Variants in CTNND2 observed in about 807,000 individuals in gnomAD.
CTNND2 encodes the protein catenin delta-2.
A neutral mutation model predicts 144.4 loss-of-function variants in CTNND2; 22 were observed. The observed-to-expected ratio is 0.15, with a 90% CI of 0.11 to 0.22. CTNND2 has a LOEUF of 0.22. Ranked by LOEUF, CTNND2 falls within the 10% of genes least tolerant of loss-of-function variation. The probability of loss-of-function intolerance (pLI) is 1.00; values close to 1 mark genes in which losing one functional copy is unlikely to be tolerated. For missense variants in CTNND2, 1,353 were observed against 1,618.8 expected, an observed-to-expected ratio of 0.84 and a Z score of 2.82; for synonymous variants, 751 against 695.6, an observed-to-expected ratio of 1.08 and a Z score of -1.25.
In CTNND2 at chr5:11,816,191, G is replaced by A. The variant is rs535724498; in HGVS notation, c.38-83919C>T. On this transcript the variant is annotated intron_variant, in intron 1 of 21. Coordinates refer to ENST00000304623, the MANE Select transcript of CTNND2 (RefSeq NM_001332.4). ...GGAGCAGCCACCACGCCCAGGGCGA[G>A]GAGAGAGGATGTGAATAGATTACGT... Among the ~76,000 whole-genome samples, 16 of 152,192 alleles carry A rather than the reference G, an allele frequency of 1.1e-4. 1 individual carries two copies. Among genetic ancestry groups the A allele is most frequent in the Non-Finnish European group, 2.2e-4 (15 of 68,034 alleles).
intron 17 of CTNND2, among the ~76,000 whole-genome samples, 192 bp from the exon 18 acceptor site, chr5:11,018,250 G>A (rs980838925): frequency 2.6e-5 from 4 of 152,032 alleles, no homozygotes; most frequent in East Asian, 3.8e-4. Context: ...GACAGCAACC[G>A]TAATCAAGAA....
chr5:11,818,670 G>GT (rs750767395), intron 1 of CTNND2, among the ~76,000 whole-genome samples: 1 of 152,068 alleles, frequency 6.6e-6, no homozygotes, highest in Non-Finnish European at 1.5e-5. Flanking sequence ...CCACGGCCCT[G>GT]TATGTGCATT....
intron 2 of CTNND2, among the ~76,000 whole-genome samples, chr5:11,677,576 G>A (rs772052725): frequency 7.7e-4 from 117 of 152,174 alleles, no homozygotes; most frequent in Non-Finnish European, 6.9e-4. Flanking sequence ...TAGAGGAACC[G>A]GCTTTAAGCA....
intron 2 of CTNND2, among the ~76,000 whole-genome samples, chr5:11,719,833 T>TATACAC (rs752731192): frequency 1.2e-4 from 17 of 142,112 alleles, no homozygotes; most frequent in Admixed American, 1.1e-3. Flanking sequence ...CTCTGACATA[T>TATACAC]ACACACACAC....
At chr5:11,289,464 G>A (rs1230583983) in intron 9 of CTNND2, among the ~76,000 whole-genome samples, 1 of 152,186 alleles carries the variant, frequency 6.6e-6, no homozygotes, top group African/African-American at 2.4e-5. Context: ...TGAGCACTGG[G>A]AAAGTTATTC....
At chr5:11,584,382 A>C (rs1222675519) in intron 2 of CTNND2, among the ~76,000 whole-genome samples, 3 of 148,046 alleles carry the variant, frequency 2.0e-5, no homozygotes, top group Non-Finnish European at 4.5e-5. Flanking sequence ...CCAACACTTA[A>C]AATTAGTTTT....
At chr5:11,631,388 C>T (rs1010312911) in intron 2 of CTNND2, among the ~76,000 whole-genome samples, 23 of 152,172 alleles carry the variant, frequency 1.5e-4, no homozygotes, top group Admixed American at 1.5e-3. Context: ...CACTTTACTA[C>T]TATAAAAATT....
intron 1 of CTNND2, among the ~76,000 whole-genome samples, chr5:11,779,258 C>T (rs1006729859): frequency 6.6e-6 from 1 of 152,148 alleles, no homozygotes; most frequent in Non-Finnish European, 1.5e-5. Context: ...TTCTCACACA[C>T]CCTAATTCAA....
At chr5:11,133,931 C>T (rs1008110846) in intron 12 of CTNND2, among the ~76,000 whole-genome samples, 4 of 152,186 alleles carry the variant, frequency 2.6e-5, no homozygotes, top group African/African-American at 7.2e-5. Flanking sequence ...AGACATCTCT[C>T]CAAGATTCCT....
intron 2 of CTNND2, among the ~76,000 whole-genome samples, chr5:11,730,598 G>A (rs777476475): frequency 5.3e-5 from 8 of 151,944 alleles, no homozygotes; most frequent in Admixed American, 4.6e-4. Flanking sequence ...TACTTCCACC[G>A]GTCTTTAAAA....
chr5:11,411,009 C>G (rs1207471289), intron 5 of CTNND2, among the ~76,000 whole-genome samples: 1 of 151,734 alleles, frequency 6.6e-6, no homozygotes, highest in Non-Finnish European at 1.5e-5. Context: ...ATAGCTGGGA[C>G]TATAGGCACG....
intron 2 of CTNND2, among the ~76,000 whole-genome samples, chr5:11,675,936 T>C (rs886405872): frequency 6.6e-6 from 1 of 151,744 alleles, no homozygotes; most frequent in African/African-American, 2.4e-5. Context: ...CATGCTGTTT[T>C]CTTCAGCTCC....
At chr5:11,019,325 T>C (rs1047691744) in intron 17 of CTNND2, among the ~76,000 whole-genome samples, 4 of 152,234 alleles carry the variant, frequency 2.6e-5, no homozygotes, top group African/African-American at 9.6e-5. Context: ...TGATGTTTTG[T>C]TGTATTTTAT....
intron 9 of CTNND2, among the ~76,000 whole-genome samples, chr5:11,309,092 A>G (rs1448231199): frequency 1.3e-5 from 2 of 152,200 alleles, no homozygotes; most frequent in Non-Finnish European, 2.9e-5. Context: ...GGGGATTCGA[A>G]TTTGACATGA....
In CTNND2 at chr5:11,384,958, G is replaced by C. The variant is rs1131691357; in HGVS notation, c.884C>G (p.Pro295Arg). The C allele has an allele frequency of 1.3e-6, 2 of 1,567,278 alleles. No individual in the cohort carries two copies. The highest frequency in any genetic ancestry group is 4.7e-5 in the East Asian group (2 of 42,650). ...SAPEGATYAA[P>R]RGSSPKQSPS... is the part of the protein sequence containing the mutation. Reference sequence around the variant, plus strand: ...CGACTGCTTGGGCGAGGAGCCGCGCGGCGCGGCGTAGGTGGCGCCCTCGGG... The same window carrying C: ...CGACTGCTTGGGCGAGGAGCCGCGCCGCGCGGCGTAGGTGGCGCCCTCGGG... The change falls in exon 7 of 22, where the codon CCG (proline) becomes CGG (arginine). Residue 295 changes from proline (P) to arginine (R), a missense_variant. Around this residue, in one of 4 missense-constraint regions of CTNND2, gnomAD observed 708 missense variants for 706.4 expected, o/e 1.00. Coordinates refer to ENST00000304623, the MANE Select transcript of CTNND2 (RefSeq NM_001332.4). The surrounding 1 kb of genome is among the most constrained non-coding windows in gnomAD (Gnocchi z 5.2).
chr5:10,983,225 T>C (rs954118365), intron 20 of CTNND2, among the ~76,000 whole-genome samples: 3 of 152,228 alleles, frequency 2.0e-5, no homozygotes, highest in African/African-American at 7.2e-5. Context: ...TTGATTGTTA[T>C]ACACTGTATA....
chr5:11,171,128 A>G (rs1213540529), intron 11 of CTNND2, among the ~76,000 whole-genome samples: 1 of 152,166 alleles, frequency 6.6e-6, no homozygotes. Context: ...GCTCTATCAT[A>G]ATAATGTCAC....
At chr5:11,080,032 C>T (rs1053694136) in intron 16 of CTNND2, among the ~76,000 whole-genome samples, 1 of 152,046 alleles carries the variant, frequency 6.6e-6, no homozygotes, top group African/African-American at 2.4e-5. Context: ...AATGAAGAGA[C>T]AACCTACAGA....
chr5:11,344,466 C>T (rs1300073487), intron 9 of CTNND2, among the ~76,000 whole-genome samples: 1 of 152,064 alleles, frequency 6.6e-6, no homozygotes, highest in Admixed American at 6.6e-5. Context: ...TATTACTACA[C>T]TTTATGCTCC....
Sources: gnomAD v4.1 joint callset for allele counts (sites outside exome capture counted in the v4.1 genomes callset) on GRCh38, gnomAD v4.1.1 for gene constraint, gnomAD v4.1.1 regional missense constraint, Gnocchi (gnomAD v3.1) non-coding constraint, MANE v1.5 for transcripts, NCBI Gene and HGNC (gene_info 2026-07-23, HGNC 2026-07-21) for gene names.